The following VWF variants were observed in gnomAD, a reference collection of about 807,000 sequenced individuals.
The protein encoded by VWF is Factor VIII related antigen.
Under a neutral mutation model 308.6 loss-of-function variants are expected in VWF, and 176 were observed. That is an observed-to-expected ratio of 0.57 (90% CI 0.50 to 0.65). The LOEUF is 0.65. Ranked by LOEUF, VWF falls within the 30% of genes least tolerant of loss-of-function variation. The probability of loss-of-function intolerance (pLI) is 0.00; values close to 1 mark genes in which losing one functional copy is unlikely to be tolerated. For synonymous variants in VWF, 1,385 were observed against 1,443.4 expected, an observed-to-expected ratio of 0.96 and a Z score of 0.92; for missense variants, 3,146 against 3,648.2, an observed-to-expected ratio of 0.86 and a Z score of 3.55.
At chr12:6,079,145 C>T (rs564798109) in intron 6 of VWF, among the ~76,000 whole-genome samples, 34 of 152,336 alleles carry the variant, frequency 2.2e-4, no homozygotes, top group Middle Eastern at 3.4e-3. Flanking sequence ...ACTTGGTCCA[C>T]CTGAGTGGGC....
At chr12:5,970,883 A>G (rs973940925) in intron 44 of VWF, among the ~76,000 whole-genome samples, 1 of 152,250 alleles carries the variant, frequency 6.6e-6, no homozygotes, top group Admixed American at 6.5e-5. Flanking sequence ...CCTTCTGACC[A>G]GACTGAAAGA....
At chr12:5,955,778 G>C (rs1943242977) in intron 47 of VWF, among the ~76,000 whole-genome samples, 2 of 151,926 alleles carry the variant, frequency 1.3e-5, no homozygotes, top group Non-Finnish European at 2.9e-5. Context: ...GGAAACTTTA[G>C]GAAAAAAATC....
At position 6,016,138 on chromosome 12, in the gene VWF, G is replaced by A. The variant is rs565224789; in HGVS notation, c.5406C>T (p.Asp1802=). Reference sequence around the variant, plus strand: ...CTGCATCCACTGAATCCACAGAGACGTCCGTGACCAGGATGACCACCGCCT... The same window carrying A: ...CTGCATCCACTGAATCCACAGAGACATCCGTGACCAGGATGACCACCGCCT... ...ASKAVVILVT[D]VSVDSVDAAA... Residue 1802 remains aspartate (D), a synonymous_variant, in exon 31 of 52, where the codon GAC becomes GAT. Coordinates refer to ENST00000261405, the MANE Select transcript of VWF (RefSeq NM_000552.5). The A allele has an allele frequency of 3.9e-5, 63 of 1,614,132 alleles. No homozygotes were observed. The African/African-American group carries it at 6.3e-4, about 16-fold the overall frequency.
chr12:6,117,836 A>G (rs1945385068), intron 3 of VWF, among the ~76,000 whole-genome samples: 1 of 152,186 alleles, frequency 6.6e-6, no homozygotes, highest in Non-Finnish European at 1.5e-5. Flanking sequence ...AAGATGAGGA[A>G]TTGGAGGCTA....
intron 6 of VWF, among the ~76,000 whole-genome samples, chr12:6,090,116 C>T (rs1272189543): frequency 4.6e-5 from 7 of 152,068 alleles, no homozygotes; most frequent in Non-Finnish European, 7.4e-5. Context: ...TGCCACCACA[C>T]CTGGCTAATT....
In VWF at chr12:6,072,404, T is replaced by C; in HGVS notation, c.1036A>G (p.Thr346Ala). The change falls in exon 9 of 52, where the codon ACC becomes GCC. Residue 346 changes from threonine to alanine, a missense_variant. By Grantham distance (58) the Thr-to-Ala change is moderately conservative. Transcript: ENST00000261405. ...CCGGAATGCACGCAGGGACACTCGG[T>C]GCTCTCCACGCAGAGGCCTTCATCC... Reference protein sequence around the residue: ...LLDEGLCVESTECPCVHSGKR... With the variant: ...LLDEGLCVESAECPCVHSGKR... The C allele has an allele frequency of 6.2e-7, 1 of 1,614,072 alleles. No individual in the cohort carries two copies. Among genetic ancestry groups the C allele is most frequent in the East Asian group, 2.2e-5 (1 of 44,872 alleles).
intron 34 of VWF, among the ~76,000 whole-genome samples, chr12:6,009,239 CAA>C (rs4021588): frequency 1.3e-4 from 16 of 125,550 alleles, no homozygotes; most frequent in Non-Finnish European, 1.5e-4. Context: ...AACTCAATAG[CAA>C]AAAAAAAAAA....
Position 5,981,942 on chromosome 12 carries a change from C to CG in VWF, c.7130dup (p.His2378AlafsTer13), listed in dbSNP as rs267607359. The CG allele has an allele frequency of 1.9e-5, 13 of 671,218 alleles. No individual in the cohort carries two copies. Among genetic ancestry groups the CG allele is most frequent in the Non-Finnish European group, 3.1e-5 (12 of 393,250 alleles). The allele number at this position is 671,218 out of a possible 1,614,324, so 41.6% of individuals were successfully genotyped here. On this transcript the variant is annotated frameshift_variant, in exon 42 of 52. Coordinates refer to ENST00000261405, the MANE Select transcript of VWF (RefSeq NM_000552.5). LOFTEE classifies it high-confidence loss of function. ...TCTTCCGAAGGGTGGGCAAACGGTG[C>CG]GGGGGGCAGGAGGGTGGGGACACTC...
chr12:6,005,535 G>C (rs1943915770), intron 34 of VWF, among the ~76,000 whole-genome samples: 1 of 152,090 alleles, frequency 6.6e-6, no homozygotes, highest in South Asian at 2.1e-4. Context: ...ACTCCAACTA[G>C]AATGAATTTA....
chr12:6,095,455 C>T lies in VWF; in HGVS notation c.657+5G>A. ...CCAGGTGCACCCAGGCCAGTCCACACCCACCTTCTGCATTTCCCCAGAGGA... is the reference window on the plus strand; with the variant it reads ...CCAGGTGCACCCAGGCCAGTCCACATCCACCTTCTGCATTTCCCCAGAGGA... On this transcript the variant is annotated splice_donor_5th_base_variant and intron_variant, in intron 6 of 51. Coordinates refer to ENST00000261405, the MANE Select transcript of VWF (RefSeq NM_000552.5). The T allele has an allele frequency of 2.5e-6, 4 of 1,614,098 alleles. No homozygotes were observed. Among genetic ancestry groups the T allele is most frequent in the Non-Finnish European group, 3.4e-6 (4 of 1,179,988 alleles).
intron 5 of VWF, among the ~76,000 whole-genome samples, chr12:6,097,110 G>T (rs899336610): frequency 6.6e-6 from 1 of 152,126 alleles, no homozygotes; most frequent in African/African-American, 2.4e-5. Context: ...GATTACTTGG[G>T]TAAGCCTAAA....
intron 34 of VWF, among the ~76,000 whole-genome samples, chr12:6,001,840 C>T (rs1292218904): frequency 6.6e-6 from 1 of 152,068 alleles, no homozygotes; most frequent in African/African-American, 2.4e-5. Context: ...TGTATTAGAT[C>T]ACGAAGAAAA....
At chr12:6,077,131 G>A (rs141915436) in intron 6 of VWF, among the ~76,000 whole-genome samples, 2 of 152,316 alleles carry the variant, frequency 1.3e-5, no homozygotes, top group African/African-American at 4.8e-5. Flanking sequence ...CCAATATGGT[G>A]AGACCCCATC....
At chr12:6,049,999 T>C (rs1424048802) in intron 16 of VWF, among the ~76,000 whole-genome samples, 1 of 152,184 alleles carries the variant, frequency 6.6e-6, no homozygotes, top group East Asian at 1.9e-4. Context: ...TCCTCGCTAC[T>C]CTCATGGCTG....
chr12:5,964,274 G>GCATACATACATACATACATGCATACATA (rs59202475), intron 47 of VWF, among the ~76,000 whole-genome samples: 1 of 134,706 alleles, frequency 7.4e-6, no homozygotes, highest in Admixed American at 7.2e-5. Flanking sequence ...ATACATACAT[G>GCATACATACATACATACATGCATACATA]CATACATACA....
rs1393436820 is a variant in VWF, at chr12:6,072,506, A to G, written c.998-64T>C. On this transcript the variant is annotated intron_variant, in intron 8 of 51. Transcript: ENST00000261405. ...TCATTGCGTCACTCATCCCACAACT[A>G]TAGAATCCCCAGGGACAATGGTTGG... The G allele has an allele frequency of 3.7e-6, 5 of 1,336,828 alleles. No individual in the cohort carries two copies. The African/African-American group carries it at 5.7e-5, about 15-fold the overall frequency. The allele number at this position is 1,336,828 out of a possible 1,614,324, so 82.8% of individuals were successfully genotyped here. A position where few individuals can be genotyped will look rare whatever the true frequency, so the allele number is the denominator to read the frequency against.
At position 5,967,619 on chromosome 12, in the gene VWF, C is replaced by G; in HGVS notation, c.7771-17G>C. ...CTTCCCGGGCTGGAAGCAGAGGCAC[C>G]AGGGTCAGGCCCCCCAGCATCCCCC... is the stretch of plus-strand genomic sequence containing the variant. On this transcript the variant is annotated splice_polypyrimidine_tract_variant and intron_variant, in intron 46 of 51. Coordinates refer to ENST00000261405, the MANE Select transcript of VWF (RefSeq NM_000552.5). 2 of 1,610,182 alleles carry G rather than the reference C, an allele frequency of 1.2e-6. No homozygotes were observed. The highest frequency in any genetic ancestry group is 1.7e-6 in the Non-Finnish European group (2 of 1,178,132).
At chr12:5,969,178 C>T (rs199941643) in intron 45 of VWF, 33 bp downstream of exon 45, 27 of 1,591,550 alleles carry the variant, frequency 1.7e-5, no homozygotes, top group African/African-American at 2.7e-5. Context: ...AGGTGGTGCC[C>T]GGTCCAGCCC....
rs1042157566 is a variant in VWF, at chr12:6,020,649, G to A, written c.3675-906C>T. On this transcript the variant is annotated intron_variant, in intron 27 of 51. Coordinates refer to ENST00000261405, the MANE Select transcript of VWF (RefSeq NM_000552.5). The surrounding 1 kb of genome is among the most constrained non-coding windows in gnomAD (Gnocchi z 4.3). ...TGAAATCAAGTGACCGTGTGGTGGA[G>A]ACCAATATGGGCCAGGACCATCTCC... Among the ~76,000 whole-genome samples the A allele has an allele frequency of 3.3e-5, 5 of 152,264 alleles. No individual in the cohort carries two copies. The highest frequency in any genetic ancestry group is 1.2e-4 in the African/African-American group (5 of 41,476).
Sources: gnomAD v4.1 joint callset for allele counts (sites outside exome capture counted in the v4.1 genomes callset) on GRCh38, gnomAD v4.1.1 for gene constraint, Gnocchi (gnomAD v3.1) non-coding constraint, MANE v1.5 for transcripts, NCBI Gene and HGNC (gene_info 2026-07-23, HGNC 2026-07-21) for gene names.